Variants in CACNA2D3 observed in about 807,000 individuals in gnomAD.
The protein encoded by CACNA2D3 is voltage-dependent calcium channel subunit alpha-2/delta-3.
CACNA2D3 carries 60 observed loss-of-function variants against 160.6 expected under a neutral mutation model. The ratio of observed to expected loss-of-function variants is 0.37; its 90% CI spans 0.30 to 0.46. The LOEUF is 0.46. Ranked by LOEUF, CACNA2D3 falls within the 20% of genes least tolerant of loss-of-function variation. The probability of loss-of-function intolerance (pLI) is 1.00; values close to 1 mark genes in which losing one functional copy is unlikely to be tolerated. For synonymous variants in CACNA2D3, 558 were observed against 492.9 expected (o/e 1.13, Z -1.75); for missense variants, 1,205 against 1,365.0 (o/e 0.88, Z 1.85).
chr3:54,719,196 C>T (rs146268641), intron 11 of CACNA2D3, among the ~76,000 whole-genome samples: 2 of 149,184 alleles, frequency 1.3e-5, no homozygotes, highest in African/African-American at 2.5e-5. Context: ...GTTACACCAC[C>T]AGTACAATGT....
At chr3:55,068,827 T>C (rs1400049678) in intron 35 of CACNA2D3, among the ~76,000 whole-genome samples, 2 of 152,198 alleles carry the variant, frequency 1.3e-5, no homozygotes, top group East Asian at 3.9e-4. Flanking sequence ...AGCATCTTTG[T>C]ACATGACTTC....
chr3:54,632,524 A>G (rs1038603404), intron 10 of CACNA2D3: 9 of 152,210 alleles, frequency 5.9e-5, no homozygotes, highest in Non-Finnish European at 7.3e-5. Flanking sequence ...ACCAGGGTAC[A>G]AGGCTGTTTT....
chr3:54,473,065 G>A (rs562072359), intron 4 of CACNA2D3, among the ~76,000 whole-genome samples: 4 of 152,210 alleles, frequency 2.6e-5, no homozygotes, highest in African/African-American at 4.8e-5. Flanking sequence ...AAAAGAGCCC[G>A]TATAGCCAAG....
chr3:54,770,756 A>G (rs181858204), intron 13 of CACNA2D3, among the ~76,000 whole-genome samples: 396 of 152,288 alleles, frequency 2.6e-3, no homozygotes, highest in Non-Finnish European at 4.4e-3. Context: ...TTCATTCCCA[A>G]ACCTATTGAT....
At chr3:54,457,272 G>T (rs926373498) in intron 4 of CACNA2D3, among the ~76,000 whole-genome samples, 2 of 151,682 alleles carry the variant, frequency 1.3e-5, no homozygotes, top group Non-Finnish European at 2.9e-5. Context: ...GTTTTAATTT[G>T]TTTCAATAAA....
chr3:54,630,448 C>T (rs184786689), intron 10 of CACNA2D3, among the ~76,000 whole-genome samples: 95 of 152,286 alleles, frequency 6.2e-4, no homozygotes, highest in Middle Eastern at 6.8e-3. Flanking sequence ...TGCCAAGGTA[C>T]TCCCACATGG....
At position 54,452,944 on chromosome 3, in the gene CACNA2D3, GTCT is replaced by G. The variant is rs1009101188; in HGVS notation, c.382-50543_382-50541del. Among the ~76,000 whole-genome samples, 9 of 151,992 alleles carry G rather than the reference GTCT, an allele frequency of 5.9e-5. No individual in the cohort carries two copies. In the South Asian group the frequency reaches 6.3e-4, roughly 11 times the overall value. ...CCTCGGTGTTCGTCTGTGTTTCTAT[GTCT>G]TCTTTTTTTCTTTCTTTCTTTCCCT... On this transcript the variant is annotated intron_variant, in intron 4 of 37. Coordinates refer to ENST00000474759, the MANE Select transcript of CACNA2D3 (RefSeq NM_018398.3).
At chr3:54,294,416 C>G (rs1270970902) in intron 2 of CACNA2D3, among the ~76,000 whole-genome samples, 1 of 151,972 alleles carries the variant, frequency 6.6e-6, no homozygotes, top group African/African-American at 2.4e-5. Flanking sequence ...GAGCTATCCT[C>G]CTGCCCACCA....
chr3:54,800,230 G>A (rs542288736), intron 13 of CACNA2D3, among the ~76,000 whole-genome samples: 3 of 152,228 alleles, frequency 2.0e-5, no homozygotes, highest in South Asian at 2.1e-4. Flanking sequence ...TGCCGCCTTC[G>A]ATGAATCCCT....
chr3:54,381,906 A>T (rs1209815940), intron 3 of CACNA2D3, among the ~76,000 whole-genome samples: 1 of 152,230 alleles, frequency 6.6e-6, no homozygotes, highest in Non-Finnish European at 1.5e-5. Context: ...TCAACTCATG[A>T]ATTACAACCT....
At chr3:54,335,609 A>G (rs1704356607) in intron 3 of CACNA2D3, among the ~76,000 whole-genome samples, 1 of 152,094 alleles carries the variant, frequency 6.6e-6, no homozygotes, top group Non-Finnish European at 1.5e-5. Context: ...TATGACCTGT[A>G]TCTTGTGCCG....
At chr3:54,331,934 C>T (rs1289769491) in intron 3 of CACNA2D3, among the ~76,000 whole-genome samples, 1 of 152,192 alleles carries the variant, frequency 6.6e-6, no homozygotes, top group Non-Finnish European at 1.5e-5. Context: ...CCCCTCCCTC[C>T]CTCAATCTAC....
intron 2 of CACNA2D3, among the ~76,000 whole-genome samples, chr3:54,137,694 C>G (rs1277028992): frequency 6.6e-6 from 1 of 152,174 alleles, no homozygotes; most frequent in Non-Finnish European, 1.5e-5. Flanking sequence ...GCAGTGCAGG[C>G]TGGTATTTTG....
chr3:55,066,847 T>C (rs1704651642), intron 35 of CACNA2D3, among the ~76,000 whole-genome samples: 1 of 152,114 alleles, frequency 6.6e-6, no homozygotes, highest in Admixed American at 6.5e-5. Context: ...CCTCCTCGCC[T>C]TTTTTGGCCC....
At position 54,394,588 on chromosome 3, in the gene CACNA2D3, C is replaced by T. The variant is rs571036552; in HGVS notation, c.381+7814C>T. ...TGCGGTGTTTGGTTTTTTGTTCTTG[C>T]GATAGTTTACTGAGAATGATGGTTT... On this transcript the variant is annotated intron_variant, in intron 4 of 37. Transcript: ENST00000474759. Among the ~76,000 whole-genome samples the T allele has an allele frequency of 5.3e-3, 632 of 118,560 alleles. 66 individuals carry two copies. Among genetic ancestry groups the T allele is most frequent in the East Asian group, 0.028 (106 of 3,842 alleles). 77.8% of individuals were successfully genotyped at this position (118,560 alleles called of 152,430 possible).
intron 8 of CACNA2D3, 29 bp downstream of exon 8, chr3:54,570,133 C>G: frequency 6.2e-7 from 1 of 1,603,224 alleles, no homozygotes; most frequent in Non-Finnish European, 8.5e-7. Context: ...GCCTTCTTTG[C>G]ACTTGGGTTC....
At chr3:54,905,484 G>A (rs10514715) in intron 27 of CACNA2D3, among the ~76,000 whole-genome samples, 16,923 of 152,194 alleles carry the variant, frequency 0.11, 1,056 homozygotes, top group African/African-American at 0.14. Context: ...GTATGTAGGA[G>A]TTAACTAGTA....
chr3:54,914,412 C>CT lies in CACNA2D3; in HGVS notation c.2449+14545dup, dbSNP rs1326932593. 4.6e-5 allele frequency among the ~76,000 whole-genome samples: 7 copies of CT among 152,164 alleles called. No individual in the cohort carries two copies. In the South Asian group the frequency reaches 6.2e-4, roughly 14 times the overall value. ...TCTCCAGGCCTGGACTAAATGCTCT[C>CT]TAAGACCCTTCTCAGATCCCCAGTC... is the stretch of plus-strand genomic sequence containing the variant. On this transcript the variant is annotated intron_variant, in intron 27 of 37. Transcript: ENST00000474759.
chr3:54,325,191 G>A (rs1023586795), intron 3 of CACNA2D3, among the ~76,000 whole-genome samples: 2 of 152,188 alleles, frequency 1.3e-5, no homozygotes, highest in Non-Finnish European at 2.9e-5. Context: ...GCAGTGGGAA[G>A]AGAATATGTA....
Sources: allele counts gnomAD v4.1 joint callset (sites outside exome capture counted in the v4.1 genomes callset), GRCh38; gene constraint gnomAD v4.1.1; transcripts MANE v1.5; gene names NCBI Gene and HGNC (gene_info 2026-07-23, HGNC 2026-07-21).